The following TAOK1 variants were observed in gnomAD, a reference collection of about 807,000 sequenced individuals.
TAOK1 encodes serine/threonine-protein kinase TAO1.
A neutral mutation model predicts 138.3 loss-of-function variants in TAOK1; 21 were observed. The ratio of observed to expected loss-of-function variants is 0.15; its 90% CI spans 0.11 to 0.22. The LOEUF (loss-of-function observed/expected upper bound fraction) is 0.22. Ranked by LOEUF, TAOK1 falls within the 10% of genes least tolerant of loss-of-function variation. The pLI is 1.00. For missense variants in TAOK1, 651 were observed against 1,227.7 expected (o/e 0.53, Z 7.02); for synonymous variants, 361 against 398.4 (o/e 0.91, Z 1.12).
At chr17:29,464,883 C>T (rs1306011007) in intron 2 of TAOK1, among the ~76,000 whole-genome samples, 3 of 148,622 alleles carry the variant, frequency 2.0e-5, no homozygotes, top group East Asian at 2.0e-4. Context: ...TGCAGTAGCG[C>T]AATCTCAACT....
intron 2 of TAOK1, among the ~76,000 whole-genome samples, chr17:29,466,729 A>T (rs551618413): frequency 6.6e-6 from 1 of 152,320 alleles, no homozygotes; most frequent in East Asian, 1.9e-4. Context: ...TCAATCTGCC[A>T]TCATTGTTTT....
At chr17:29,392,825 C>T (rs1045944940) in intron 1 of TAOK1, among the ~76,000 whole-genome samples, 5 of 152,086 alleles carry the variant, frequency 3.3e-5, no homozygotes, top group Admixed American at 1.3e-4. Flanking sequence ...TTTATGTTGT[C>T]ATTAAATGTT....
intron 16 of TAOK1, among the ~76,000 whole-genome samples, chr17:29,518,918 C>T (rs2031868027): frequency 6.6e-6 from 1 of 152,092 alleles, no homozygotes; most frequent in Non-Finnish European, 1.5e-5. Context: ...AGGCGTGCAT[C>T]ACCACACCCA....
intron 2 of TAOK1, among the ~76,000 whole-genome samples, chr17:29,452,172 TACCACTGC>T (rs1386977381): frequency 6.6e-6 from 1 of 152,058 alleles, no homozygotes; most frequent in African/African-American, 2.4e-5. Flanking sequence ...GCCGAGATTG[TACCACTGC>T]ATTTCAGCCT....
intron 1 of TAOK1, among the ~76,000 whole-genome samples, chr17:29,399,678 G>C (rs1408145070): frequency 6.6e-6 from 1 of 152,124 alleles, no homozygotes; most frequent in African/African-American, 2.4e-5. Flanking sequence ...GAATATCAAG[G>C]TAGCTTAGTA....
intron 8 of TAOK1, among the ~76,000 whole-genome samples, chr17:29,488,121 C>T (rs181619000): frequency 6.6e-6 from 1 of 152,302 alleles, no homozygotes; most frequent in Non-Finnish European, 1.5e-5. Flanking sequence ...CCAGAACCCC[C>T]TCAGATAACA....
intron 8 of TAOK1, among the ~76,000 whole-genome samples, chr17:29,488,576 A>AAATAAT (rs150004739): frequency 0.17 from 24,209 of 145,346 alleles, 2,252 homozygotes; most frequent in African/African-American, 0.25. Context: ...ACATCTCAAA[A>AAATAAT]AATAATAATA....
At chr17:29,442,071 G>C (rs1411695354) in intron 1 of TAOK1, among the ~76,000 whole-genome samples, 1 of 143,102 alleles carries the variant, frequency 7.0e-6, no homozygotes, top group South Asian at 2.2e-4. Flanking sequence ...GTTTTTTTTT[G>C]AGACAGGGTC....
Position 29,539,597 on chromosome 17 carries a change from C to T in TAOK1, c.2545-2964C>T, listed in dbSNP as rs1309868590. Among the ~76,000 whole-genome samples the T allele has an allele frequency of 4.6e-5, 7 of 152,200 alleles. No individual in the cohort carries two copies. The East Asian group carries it at 7.8e-4, about 17-fold the overall frequency. On this transcript the variant is annotated intron_variant, in intron 19 of 19. Transcript: ENST00000261716. ...GATTACAGGCATGTGCCACCATGCC[C>T]GGCTAATCATGTATTTTTACTAGAG...
At chr17:29,479,482 T>C (rs1484428792) in intron 6 of TAOK1, among the ~76,000 whole-genome samples, 1 of 152,110 alleles carries the variant, frequency 6.6e-6, no homozygotes, top group Non-Finnish European at 1.5e-5. Context: ...TAGGTTATCA[T>C]TTTTTAACAT....
In TAOK1 at chr17:29,492,906, C is replaced by T. The variant is rs184892603; in HGVS notation, c.831+1041C>T. ...CTGTAACCCCAGCTCTTTGGGAGGC[C>T]GAGGCGGGCGGATCACTTGAGGTCA... On this transcript the variant is annotated intron_variant, in intron 10 of 19. Transcript: ENST00000261716. 2.6e-5 allele frequency among the ~76,000 whole-genome samples: 4 copies of T among 152,136 alleles called. No homozygotes were observed. In the South Asian group the frequency reaches 6.2e-4, roughly 24 times the overall value.
chr17:29,468,638 C>T (rs1295989198), intron 3 of TAOK1, among the ~76,000 whole-genome samples: 6 of 151,816 alleles, frequency 4.0e-5, no homozygotes, highest in Non-Finnish European at 5.9e-5. Flanking sequence ...ACCTCCACCT[C>T]CCAGGTTCAA....
chr17:29,437,893 C>G (rs1906086850), intron 1 of TAOK1, among the ~76,000 whole-genome samples: 1 of 151,866 alleles, frequency 6.6e-6, no homozygotes, highest in Non-Finnish European at 1.5e-5. Flanking sequence ...CCACTATGCC[C>G]AGCTAATTTT....
At chr17:29,406,960 A>G (rs1905008636) in intron 1 of TAOK1, among the ~76,000 whole-genome samples, 1 of 152,182 alleles carries the variant, frequency 6.6e-6, no homozygotes, top group Non-Finnish European at 1.5e-5. Flanking sequence ...ACAGATGTGT[A>G]TGTTCATGTA....
intron 16 of TAOK1, among the ~76,000 whole-genome samples, chr17:29,518,939 G>A (rs902193455): frequency 2.0e-5 from 3 of 151,782 alleles, no homozygotes; most frequent in African/African-American, 7.3e-5. Flanking sequence ...GCTAATTTTT[G>A]TATTTTTAGT....
chr17:29,446,105 G>T (rs1299605290), intron 1 of TAOK1, among the ~76,000 whole-genome samples: 2 of 151,974 alleles, frequency 1.3e-5, no homozygotes, highest in Non-Finnish European at 2.9e-5. Context: ...GGTCTGTAGT[G>T]ATATACTCTC....
At chr17:29,513,094 A>C (rs1030961502) in intron 15 of TAOK1, 1 of 112,510 alleles carries the variant, frequency 8.9e-6, no homozygotes, top group Non-Finnish European at 1.6e-5. Context: ...TGAAATTTTT[A>C]GTTCATATAA....
At chr17:29,472,736 G>A (rs1483815442) in intron 3 of TAOK1, among the ~76,000 whole-genome samples, 3 of 151,236 alleles carry the variant, frequency 2.0e-5, no homozygotes, top group African/African-American at 7.3e-5. Context: ...CACCACGCCC[G>A]GCTCATTTTG....
At chr17:29,437,782 G>A (rs1906081263) in intron 1 of TAOK1, among the ~76,000 whole-genome samples, 1 of 134,524 alleles carries the variant, frequency 7.4e-6, no homozygotes, top group Admixed American at 8.1e-5. Context: ...CACCCGGGCT[G>A]TAGTGCAGTG....
Sources: allele counts gnomAD v4.1 joint callset (sites outside exome capture counted in the v4.1 genomes callset), GRCh38; gene constraint gnomAD v4.1.1; transcripts MANE v1.5; gene names NCBI Gene and HGNC (gene_info 2026-07-23, HGNC 2026-07-21).